ADCY7: variants seen among roughly 807,000 people sequenced by gnomAD.
ADCY7 encodes the protein adenylate cyclase type 7.
Under a neutral mutation model 120.6 loss-of-function variants are expected in ADCY7, and 72 were observed. The observed-to-expected ratio is 0.60, with a 90% confidence interval of 0.49 to 0.73. The LOEUF (loss-of-function observed/expected upper bound fraction) is 0.73. Among genes scored for constraint, ADCY7 ranks in the 30% least tolerant of loss-of-function variants. The pLI is 0.00. For missense variants in ADCY7, 1,227 were observed against 1,486.0 expected (o/e 0.83, Z 2.87); for synonymous variants, 661 against 628.0 (o/e 1.05, Z -0.78).
intron 15 of ADCY7, among the ~76,000 whole-genome samples, chr16:50,307,477 A>G (rs1357105026): frequency 1.3e-5 from 2 of 152,152 alleles, no homozygotes; most frequent in Admixed American, 1.3e-4. Flanking sequence ...TGTAGGCGCC[A>G]TCCTTTTTCT....
rs1035402583 is a variant in ADCY7, at chr16:50,290,555, G to A, written c.270G>A (p.Arg90=). ...TGATGTACGTCGAGTGTCTCCTGCGGCGCTGGCTCAGGGCCTTGGCGCTGC... is the reference window on the plus strand; with the variant it reads ...TGATGTACGTCGAGTGTCTCCTGCGACGCTGGCTCAGGGCCTTGGCGCTGC... ...SVLMYVECLL[R]RWLRALALLT... The change falls in exon 3 of 26, where the codon CGG becomes CGA. Residue 90 remains arginine (R), a synonymous_variant. Transcript: ENST00000673801. 6.2e-7 allele frequency: 1 copy of A among 1,614,112 alleles called. No homozygotes were observed. Among genetic ancestry groups the A allele is most frequent in the African/African-American group, 1.3e-5 (1 of 74,952 alleles).
At chr16:50,286,918 T>C (rs1021761043) in intron 1 of ADCY7, among the ~76,000 whole-genome samples, 18 of 152,104 alleles carry the variant, frequency 1.2e-4, no homozygotes, top group African/African-American at 4.1e-4. Context: ...CAGTGAAACA[T>C]GCAGAGCAGA....
At chr16:50,294,101 G>A (rs1260283732) in intron 6 of ADCY7, among the ~76,000 whole-genome samples, 1 of 152,196 alleles carries the variant, frequency 6.6e-6, no homozygotes, top group Non-Finnish European at 1.5e-5. Context: ...ATGAGCTTAA[G>A]GACTTTGGAG....
chr16:50,310,496 T>A (rs1276651298), intron 18 of ADCY7, 191 bp from the exon 19 acceptor site: 1 of 1,537,224 alleles, frequency 6.5e-7, no homozygotes, highest in East Asian at 2.4e-5. Context: ...GCTCACTTCA[T>A]AAGAAATAAA....
At chr16:50,282,125 C>T (rs2034309949) in intron 1 of ADCY7, among the ~76,000 whole-genome samples, 1 of 152,230 alleles carries the variant, frequency 6.6e-6, no homozygotes, top group Non-Finnish European at 1.5e-5. Flanking sequence ...CCAAAGCAGC[C>T]CTGAGCCTGC....
chr16:50,255,177 G>A (rs970715046), intron 1 of ADCY7, among the ~76,000 whole-genome samples: 4 of 149,256 alleles, frequency 2.7e-5, no homozygotes, highest in Admixed American at 1.3e-4. Flanking sequence ...GGAGCCTGTC[G>A]TCCCAGCTAC....
intron 18 of ADCY7, 52 bp downstream of exon 18, chr16:50,309,698 T>TGCC (rs1555525406): frequency 6.6e-7 from 1 of 1,504,898 alleles, no homozygotes; most frequent in African/African-American, 1.4e-5. Context: ...GGGCTGCTGC[T>TGCC]GCCAGAGGTG....
chr16:50,269,245 G>A (rs947289312), intron 1 of ADCY7, among the ~76,000 whole-genome samples: 9 of 152,152 alleles, frequency 5.9e-5, no homozygotes, highest in East Asian at 1.9e-4. Context: ...CCAGCAGATC[G>A]GTCCTCAGGC....
At chr16:50,300,642 A>C in intron 8 of ADCY7, 73 bp from the exon 9 acceptor site, 1 of 1,522,762 alleles carries the variant, frequency 6.6e-7, no homozygotes, top group African/African-American at 1.4e-5. Context: ...CCCTGTACCC[A>C]CCCCACACCT....
intron 1 of ADCY7, among the ~76,000 whole-genome samples, chr16:50,270,271 T>C (rs1411556567): frequency 6.6e-6 from 1 of 152,028 alleles, no homozygotes; most frequent in Non-Finnish European, 1.5e-5. Context: ...TGGAAGTTAG[T>C]TGGAACTGGA....
intron 7 of ADCY7, among the ~76,000 whole-genome samples, chr16:50,296,228 T>C (rs547884733): frequency 1.3e-5 from 2 of 152,212 alleles, no homozygotes; most frequent in South Asian, 4.2e-4. Flanking sequence ...AATTTTTTTG[T>C]ATTTTGTGGA....
upstream of ADCY7, among the ~76,000 whole-genome samples, chr16:50,266,191 C>T (rs1166393812): frequency 6.6e-6 from 1 of 152,184 alleles, no homozygotes; most frequent in Non-Finnish European, 1.5e-5. Flanking sequence ...TGTCTGTGAG[C>T]GTCAGAGCCC....
At chr16:50,309,087 C>T in intron 17 of ADCY7, 1 of 366,516 alleles carries the variant, frequency 2.7e-6, no homozygotes, top group Non-Finnish European at 5.0e-6. Flanking sequence ...TCAGTTTCCC[C>T]TCTCAGGGAT....
At chr16:50,309,270 G>A (rs911609022) in intron 17 of ADCY7, 3 of 446,204 alleles carry the variant, frequency 6.7e-6, no homozygotes, top group African/African-American at 6.0e-5. Flanking sequence ...CTCCCTCAGG[G>A]TCACCTGGGG....
rs1334672148 is a variant in ADCY7, at chr16:50,316,493, T to A, written c.*988T>A. The A allele has an allele frequency of 6.6e-6, 1 of 152,382 alleles. No individual in the cohort carries two copies. Among genetic ancestry groups the A allele is most frequent in the Non-Finnish European group, 1.5e-5 (1 of 68,064 alleles). 9.4% of individuals were successfully genotyped at this position (152,382 alleles called of 1,614,324 possible). A position where few individuals can be genotyped will look rare whatever the true frequency, so the allele number is the denominator to read the frequency against. ...GGAATGGAGTCTGTTTAGAGACAACTTGGACAACCTGTGAGTGCATCTCTT... is the reference window on the plus strand; with the variant it reads ...GGAATGGAGTCTGTTTAGAGACAACATGGACAACCTGTGAGTGCATCTCTT... On this transcript the variant is annotated 3_prime_UTR_variant, in exon 26 of 26. Coordinates refer to ENST00000673801, the MANE Select transcript of ADCY7 (RefSeq NM_001114.5).
At position 50,289,388 on chromosome 16, in the gene ADCY7, C is replaced by T. The variant is rs202086732; in HGVS notation, c.171+1038C>T. ...AGGCTGGCACCACCTATGTCATTTC[C>T]GGCCCAGGCACTTGCCTTGGTACAG... On this transcript the variant is annotated intron_variant, in intron 2 of 25. Transcript: ENST00000673801. The T allele has an allele frequency of 1.9e-4, 77 of 413,092 alleles. No individual in the cohort carries two copies. The East Asian group carries it at 2.5e-3, about 13-fold the overall frequency. The allele number at this position is 413,092 out of a possible 1,614,324, so 25.6% of individuals were successfully genotyped here.
At chr16:50,311,608 G>A in intron 19 of ADCY7, 85 bp from the exon 20 acceptor site, 1 of 934,398 alleles carries the variant, frequency 1.1e-6, no homozygotes, top group Non-Finnish European at 1.8e-6. Flanking sequence ...CCTTTCCCCT[G>A]GGTGTGCGTG....
Position 50,308,700 on chromosome 16 carries a change from A to C in ADCY7, c.1969A>C (p.Ile657Leu). Residue 657 changes from isoleucine (I) to leucine (L), a missense_variant, in exon 17 of 26, where the codon ATC (isoleucine) becomes CTC (leucine). This residue lies in a region of ADCY7 where 267 missense variants were observed against 270.0 expected (regional missense o/e 0.99). Transcript: ENST00000673801. ...CCCAGCTCGGGGGACGCTCTGCACT[A>C]TCTCTGAGAGGGTGGAGACACAGCC... ...CCPARGTLCTISERVETQPLL... is the reference protein window; with the variant it reads ...CCPARGTLCTLSERVETQPLL... 6.2e-7 allele frequency: 1 copy of C among 1,613,632 alleles called. No individual in the cohort carries two copies. Among genetic ancestry groups the C allele is most frequent in the Non-Finnish European group, 8.5e-7 (1 of 1,179,952 alleles).
intron 1 of ADCY7, among the ~76,000 whole-genome samples, chr16:50,286,388 C>A (rs1231117272): frequency 1.4e-5 from 2 of 146,980 alleles, no homozygotes; most frequent in Non-Finnish European, 3.0e-5. Context: ...TATGATCACA[C>A]CACTTCACTC....
Sources: gnomAD v4.1 joint callset for allele counts (sites outside exome capture counted in the v4.1 genomes callset) on GRCh38, gnomAD v4.1.1 for gene constraint, gnomAD v4.1.1 regional missense constraint, MANE v1.5 for transcripts, NCBI Gene and HGNC (gene_info 2026-07-23, HGNC 2026-07-21) for gene names.